Variants in RAD51B observed in about 807,000 individuals in gnomAD.
RAD51B encodes RAD51 paralog B.
Under a neutral mutation model 42.2 loss-of-function variants are expected in RAD51B, and 38 were observed. The observed-to-expected ratio is 0.90, with a 90% CI of 0.70 to 1.18. The LOEUF is 1.18. RAD51B is among the 50% of genes most tolerant of loss of function. The pLI is 0.00. For synonymous variants in RAD51B, 154 were observed against 145.2 expected, an observed-to-expected ratio of 1.06 and a Z score of -0.43; for missense variants, 373 against 400.7, an observed-to-expected ratio of 0.93 and a Z score of 0.59.
intron 7 of RAD51B, among the ~76,000 whole-genome samples, chr14:68,077,337 G>T (rs2076849844): frequency 6.6e-6 from 1 of 152,178 alleles, no homozygotes; most frequent in Non-Finnish European, 1.5e-5. Flanking sequence ...TAGAATACAA[G>T]ATATTGTCCC....
intron 7 of RAD51B, among the ~76,000 whole-genome samples, chr14:67,977,108 A>C (rs2075010703): frequency 6.6e-6 from 1 of 152,248 alleles, no homozygotes; most frequent in African/African-American, 2.4e-5. Context: ...ATTAACACTC[A>C]GTACCAAACA....
intron 10 of RAD51B, chr14:68,497,124 C>T (rs548585072): frequency 1.4e-6 from 2 of 1,391,194 alleles, no homozygotes; most frequent in Non-Finnish European, 1.9e-6. Flanking sequence ...CTTCTTGCAG[C>T]CTATGGAAAT....
intron 10 of RAD51B, among the ~76,000 whole-genome samples, chr14:68,606,877 T>G (rs937394875): frequency 1.3e-5 from 2 of 152,144 alleles, no homozygotes; most frequent in Non-Finnish European, 2.9e-5. Context: ...CTGTGTCAGT[T>G]TTCCTACGCA....
intron 10 of RAD51B, among the ~76,000 whole-genome samples, chr14:68,586,487 C>G (rs975198794): frequency 1.3e-5 from 2 of 152,124 alleles, no homozygotes; most frequent in Admixed American, 1.3e-4. Flanking sequence ...CCAATGAGTT[C>G]TAAGGGTGAT....
chr14:68,337,676 AG>A (rs2082485262), intron 8 of RAD51B, among the ~76,000 whole-genome samples: 1 of 152,230 alleles, frequency 6.6e-6, no homozygotes, highest in Admixed American at 6.5e-5. Flanking sequence ...GGGACAGAGC[AG>A]GGGTATTTGA....
At chr14:67,919,283 T>C (rs989154513) in intron 7 of RAD51B, among the ~76,000 whole-genome samples, 5 of 152,148 alleles carry the variant, frequency 3.3e-5, no homozygotes, top group African/African-American at 1.2e-4. Flanking sequence ...AACCAGAATA[T>C]GCCTCCCCAA....
chr14:68,250,211 C>G (rs927809071), intron 7 of RAD51B, among the ~76,000 whole-genome samples: 4 of 152,224 alleles, frequency 2.6e-5, no homozygotes, highest in Non-Finnish European at 5.9e-5. Context: ...TTCTTCCTGT[C>G]TCCCTACCAG....
intron 8 of RAD51B, among the ~76,000 whole-genome samples, chr14:68,314,293 C>T (rs531929429): frequency 1.3e-5 from 2 of 152,122 alleles, no homozygotes; most frequent in Non-Finnish European, 2.9e-5. Context: ...ACCCCTCTGA[C>T]CCCTGCACTC....
intron 11 of RAD51B, among the ~76,000 whole-genome samples, chr14:68,679,564 G>A (rs377471957): frequency 1.7e-3 from 259 of 152,328 alleles, no homozygotes; most frequent in African/African-American, 5.9e-3. Flanking sequence ...TGGTGTCTAG[G>A]AAAGGCCACA....
rs1460247250 is a variant in RAD51B, at chr14:68,095,449, G to A, written c.757-196435G>A. On this transcript the variant is annotated intron_variant, in intron 7 of 10. Transcript: ENST00000471583. ...ACAATATAAAGAAGTCTTCCTCCAT[G>A]GTATTTATGGGTATGAAAAAAAAAG... Among the ~76,000 whole-genome samples, 4 of 151,982 alleles carry A rather than the reference G, an allele frequency of 2.6e-5. No homozygotes were observed. The South Asian group carries it at 6.2e-4, about 24-fold the overall frequency.
chr14:68,354,937 G>A (rs749346128), intron 8 of RAD51B, among the ~76,000 whole-genome samples: 5 of 152,046 alleles, frequency 3.3e-5, no homozygotes, highest in Admixed American at 6.6e-5. Flanking sequence ...ATTGTGACTC[G>A]ATTTCCCTTT....
At chr14:68,637,449 G>A (rs529682584) in intron 10 of RAD51B, among the ~76,000 whole-genome samples, 1 of 152,218 alleles carries the variant, frequency 6.6e-6, no homozygotes, top group African/African-American at 2.4e-5. Flanking sequence ...AGGCCTGAAA[G>A]ATCTCTGAGC....
intron 10 of RAD51B, among the ~76,000 whole-genome samples, chr14:68,491,387 C>T (rs373109765): frequency 2.0e-5 from 3 of 152,312 alleles, no homozygotes; most frequent in South Asian, 2.1e-4. Context: ...TGACCATTTA[C>T]GATTTATAAC....
intron 8 of RAD51B, among the ~76,000 whole-genome samples, chr14:68,294,454 T>C (rs1480475929): frequency 6.6e-6 from 1 of 152,206 alleles, no homozygotes; most frequent in Non-Finnish European, 1.5e-5. Flanking sequence ...TCCTGTGATT[T>C]ACACACACAC....
At chr14:68,235,364 G>A (rs558033223) in intron 7 of RAD51B, among the ~76,000 whole-genome samples, 3 of 151,632 alleles carry the variant, frequency 2.0e-5, no homozygotes, top group African/African-American at 7.3e-5. Flanking sequence ...AAGAGGAGGG[G>A]GCCAAGGACA....
At chr14:68,415,031 CAA>C (rs71129885) in intron 9 of RAD51B, among the ~76,000 whole-genome samples, 52 of 32,490 alleles carry the variant, frequency 1.6e-3, no homozygotes, top group South Asian at 2.6e-3. Flanking sequence ...GACTCTGTCT[CAA>C]AAAAAAAAAA....
At chr14:68,191,526 C>G (rs2079266915) in intron 7 of RAD51B, among the ~76,000 whole-genome samples, 1 of 152,156 alleles carries the variant, frequency 6.6e-6, no homozygotes, top group Non-Finnish European at 1.5e-5. Flanking sequence ...GAATTCGGTC[C>G]TGAACCCATC....
intron 7 of RAD51B, among the ~76,000 whole-genome samples, chr14:68,112,330 G>A (rs1002441057): frequency 1.3e-5 from 2 of 151,818 alleles, no homozygotes; most frequent in Admixed American, 6.6e-5. Flanking sequence ...TTGAGATCTC[G>A]CTTGCCATCC....
chr14:68,198,523 G>C (rs1396622629), intron 7 of RAD51B, among the ~76,000 whole-genome samples: 2 of 152,132 alleles, frequency 1.3e-5, no homozygotes, highest in East Asian at 3.8e-4. Flanking sequence ...GTTGAACTCA[G>C]GGTGAATTGA....
Sources: allele counts gnomAD v4.1 joint callset (sites outside exome capture counted in the v4.1 genomes callset), GRCh38; gene constraint gnomAD v4.1.1; transcripts MANE v1.5; gene names NCBI Gene and HGNC (gene_info 2026-07-23, HGNC 2026-07-21).